Variants in BTRC observed in about 807,000 individuals in gnomAD.
The protein encoded by BTRC is F-box/WD repeat-containing protein 1A.
BTRC carries 42 observed loss-of-function variants against 85.5 expected under a neutral mutation model. That is an observed-to-expected ratio of 0.49 (90% CI 0.38 to 0.64). The LOEUF (loss-of-function observed/expected upper bound fraction) is 0.64, where lower values mean the gene tolerates loss of function less well. Among genes scored for constraint, BTRC ranks in the 30% least tolerant of loss-of-function variants. The probability of loss-of-function intolerance (pLI) is 0.00; values close to 1 mark genes in which losing one functional copy is unlikely to be tolerated. For synonymous variants in BTRC, 255 were observed against 263.3 expected (o/e 0.97, Z 0.30); for missense variants, 594 against 743.5 (o/e 0.80, Z 2.34).
chr10:101,467,407 C>T (rs887979045), intron 3 of BTRC, among the ~76,000 whole-genome samples: 1 of 150,702 alleles, frequency 6.6e-6, no homozygotes, highest in Non-Finnish European at 1.5e-5. Flanking sequence ...GTACACACAG[C>T]CAAGGGAGCT....
intron 1 of BTRC, among the ~76,000 whole-genome samples, chr10:101,378,827 C>T (rs2133955409): frequency 6.6e-6 from 1 of 152,116 alleles, no homozygotes. Flanking sequence ...CCAGTTATAA[C>T]TTGTTTCCAT....
At chr10:101,361,404 C>T (rs537616318) in intron 1 of BTRC, among the ~76,000 whole-genome samples, 1 of 152,314 alleles carries the variant, frequency 6.6e-6, no homozygotes, top group Non-Finnish European at 1.5e-5. Context: ...CCGCACCTGG[C>T]CAGCAATATT....
chr10:101,524,815 C>G (rs1356401229), intron 5 of BTRC, among the ~76,000 whole-genome samples: 2 of 152,190 alleles, frequency 1.3e-5, no homozygotes, highest in Admixed American at 6.5e-5. Context: ...ATGTCTCCAT[C>G]TGCTTATGCT....
intron 1 of BTRC, among the ~76,000 whole-genome samples, chr10:101,423,409 A>G (rs905088977): frequency 6.6e-6 from 1 of 152,266 alleles, no homozygotes; most frequent in Non-Finnish European, 1.5e-5. Flanking sequence ...AACAAGTGCT[A>G]CAATAAAATT....
intron 13 of BTRC, among the ~76,000 whole-genome samples, chr10:101,546,264 A>G (rs759848351): frequency 6.6e-5 from 10 of 151,306 alleles, no homozygotes; most frequent in Middle Eastern, 3.4e-3. Context: ...AGTAGAAATC[A>G]TACAGCATAT....
chr10:101,394,312 T>A (rs1217673674), intron 1 of BTRC, among the ~76,000 whole-genome samples: 1 of 152,264 alleles, frequency 6.6e-6, no homozygotes, highest in Non-Finnish European at 1.5e-5. Flanking sequence ...ATGACTAATA[T>A]AATGAATCTT....
chr10:101,364,304 A>G (rs1472144292), intron 1 of BTRC, among the ~76,000 whole-genome samples: 1 of 152,178 alleles, frequency 6.6e-6, no homozygotes, highest in Non-Finnish European at 1.5e-5. Flanking sequence ...AAAAGCATAA[A>G]GAAATAATCA....
At chr10:101,548,093 AT>A (rs2062586835) in intron 13 of BTRC, among the ~76,000 whole-genome samples, 2 of 152,228 alleles carry the variant, frequency 1.3e-5, no homozygotes, top group South Asian at 4.1e-4. Context: ...GGTAATATCA[AT>A]TTTTGGTGAA....
At chr10:101,361,473 A>T (rs1411084186) in intron 1 of BTRC, among the ~76,000 whole-genome samples, 1 of 152,260 alleles carries the variant, frequency 6.6e-6, no homozygotes. Context: ...TGAGGATGAA[A>T]TAGAAAATAT....
intron 1 of BTRC, among the ~76,000 whole-genome samples, chr10:101,395,534 T>C (rs934568034): frequency 6.6e-6 from 1 of 152,170 alleles, no homozygotes; most frequent in African/African-American, 2.4e-5. Context: ...AGACCCTTCC[T>C]CTCCTTAATA....
intron 2 of BTRC, among the ~76,000 whole-genome samples, chr10:101,457,524 T>G (rs966874206): frequency 2.0e-5 from 3 of 152,236 alleles, no homozygotes; most frequent in Admixed American, 6.5e-5. Flanking sequence ...CTCAGTTGAC[T>G]GTAGTAACTG....
At chr10:101,391,335 G>T (rs1226581434) in intron 1 of BTRC, among the ~76,000 whole-genome samples, 3 of 152,104 alleles carry the variant, frequency 2.0e-5, no homozygotes, top group African/African-American at 7.2e-5. Context: ...TATAAAGTTT[G>T]GTCATCTTTG....
At chr10:101,389,117 GTGTTTTTTTTTTTTTTT>G (rs1436827717) in intron 1 of BTRC, among the ~76,000 whole-genome samples, 1 of 53,046 alleles carries the variant, frequency 1.9e-5, no homozygotes, top group Non-Finnish European at 3.5e-5. Flanking sequence ...TTTTTTGTGT[GTGTTTTTTTTTTTTTTT>G]TTTTTTTTTT....
intron 4 of BTRC, among the ~76,000 whole-genome samples, chr10:101,518,244 A>G (rs142023043): frequency 6.6e-5 from 10 of 152,134 alleles, no homozygotes; most frequent in Non-Finnish European, 1.3e-4. Flanking sequence ...CCTTCTATTT[A>G]TGTCCCATAT....
intron 2 of BTRC, among the ~76,000 whole-genome samples, chr10:101,432,000 G>A (rs1944414944): frequency 1.3e-5 from 2 of 152,132 alleles, no homozygotes; most frequent in South Asian, 4.1e-4. Flanking sequence ...ATCTGTAAAT[G>A]GATACTATAG....
At chr10:101,400,906 A>G (rs1351095024) in intron 1 of BTRC, among the ~76,000 whole-genome samples, 3 of 151,950 alleles carry the variant, frequency 2.0e-5, no homozygotes, top group Non-Finnish European at 4.4e-5. Flanking sequence ...CGTCCCCACT[A>G]TCCTCCATCT....
chr10:101,478,384 G>A (rs1945746917), intron 3 of BTRC, among the ~76,000 whole-genome samples: 2 of 151,392 alleles, frequency 1.3e-5, no homozygotes, highest in African/African-American at 4.8e-5. Flanking sequence ...TCTTTTTAAA[G>A]CCAAAAGTCA....
intron 1 of BTRC, among the ~76,000 whole-genome samples, chr10:101,419,737 T>C (rs1944047102): frequency 6.6e-6 from 1 of 152,214 alleles, no homozygotes; most frequent in African/African-American, 2.4e-5. Flanking sequence ...GGGGGCATGT[T>C]AGAGTTTGCC....
intron 12 of BTRC, among the ~76,000 whole-genome samples, chr10:101,537,802 C>G (rs887226550): frequency 2.6e-5 from 4 of 152,206 alleles, no homozygotes; most frequent in African/African-American, 7.2e-5. Flanking sequence ...ACAATATTTT[C>G]TTATTGTCCT....
Sources: gnomAD v4.1 joint callset for allele counts (sites outside exome capture counted in the v4.1 genomes callset) on GRCh38, gnomAD v4.1.1 for gene constraint, MANE v1.5 for transcripts, NCBI Gene and HGNC (gene_info 2026-07-23, HGNC 2026-07-21) for gene names.